Variants in BICD1 observed in about 807,000 individuals in gnomAD.
BICD1 encodes the protein BICD cargo adaptor 1, also known as protein bicaudal D homolog 1.
A neutral mutation model predicts 92.5 loss-of-function variants in BICD1; 35 were observed. The observed-to-expected ratio is 0.38, with a 90% CI of 0.29 to 0.50. The LOEUF is 0.50. Among genes scored for constraint, BICD1 ranks in the 20% least tolerant of loss-of-function variants. BICD1 has a pLI of 0.93. For synonymous variants in BICD1, 429 were observed against 465.1 expected, an observed-to-expected ratio of 0.92 and a Z score of 1.00; for missense variants, 950 against 1,189.8, an observed-to-expected ratio of 0.80 and a Z score of 2.97.
chr12:32,200,971 T>C (rs1944890564), intron 1 of BICD1, among the ~76,000 whole-genome samples: 1 of 152,188 alleles, frequency 6.6e-6, no homozygotes, highest in Non-Finnish European at 1.5e-5. Context: ...GTTTCCTATA[T>C]CCTAGTCACA....
At chr12:32,295,161 C>T (rs896246535) in intron 3 of BICD1, among the ~76,000 whole-genome samples, 1 of 151,100 alleles carries the variant, frequency 6.6e-6, no homozygotes, top group African/African-American at 2.4e-5. Context: ...TACATTCGTA[C>T]ATTTAAATGA....
chr12:32,108,488 C>T, intron 1 of BICD1: 1 of 481,062 alleles, frequency 2.1e-6, no homozygotes, highest in Non-Finnish European at 3.7e-6. Context: ...TCTTGAGGCA[C>T]TATGGGTAGC....
At chr12:32,182,168 T>A (rs965979511) in intron 1 of BICD1, among the ~76,000 whole-genome samples, 2 of 151,836 alleles carry the variant, frequency 1.3e-5, no homozygotes, top group African/African-American at 4.8e-5. Context: ...GTGGTAAATA[T>A]CTGAATGTAT....
chr12:32,211,441 A>G (rs1039577977), intron 1 of BICD1, among the ~76,000 whole-genome samples: 3 of 152,212 alleles, frequency 2.0e-5, no homozygotes, highest in Admixed American at 1.3e-4. Flanking sequence ...TTCTGGGTCT[A>G]CATCTGAAAT....
At position 32,328,748 on chromosome 12, in the gene BICD1, C is replaced by T. The variant is rs998302733; in HGVS notation, c.2100+193C>T. Reference sequence around the variant, plus strand: ...TTTTAAATGATGAAATACCTGTGCCCAGTTAGGTGGAGGCAGAGGTGAGGA... The same window carrying T: ...TTTTAAATGATGAAATACCTGTGCCTAGTTAGGTGGAGGCAGAGGTGAGGA... On this transcript the variant is annotated intron_variant, in intron 5 of 9. Transcript: ENST00000652176. This position sits in a 1 kb window ranked among gnomAD's most constrained non-coding sequence, Gnocchi z 4.4. 6.6e-6 allele frequency among the ~76,000 whole-genome samples: 1 copy of T among 152,096 alleles called. No homozygotes were observed. The highest frequency in any genetic ancestry group is 1.5e-5 in the Non-Finnish European group (1 of 68,026).
rs1046732326 is a variant in BICD1, at chr12:32,381,118, G to A, written c.*3491G>A. ...TTTAAAATACATTAAAATTTTACTG[G>A]TTAATCATAAAATATTTTATATTTG... On this transcript the variant is annotated 3_prime_UTR_variant, in exon 10 of 10. Coordinates refer to ENST00000652176, the MANE Select transcript of BICD1 (RefSeq NM_001714.4). The A allele has an allele frequency of 6.6e-6, 1 of 151,820 alleles. No individual in the cohort carries two copies. The highest frequency in any genetic ancestry group is 1.5e-5 in the Non-Finnish European group (1 of 67,914). 9.4% of individuals were successfully genotyped at this position (151,820 alleles called of 1,614,324 possible). A position where few individuals can be genotyped will look rare whatever the true frequency, so the allele number is the denominator to read the frequency against.
chr12:32,371,203 C>T (rs184335725), intron 9 of BICD1, among the ~76,000 whole-genome samples: 4 of 152,210 alleles, frequency 2.6e-5, no homozygotes, highest in Non-Finnish European at 4.4e-5. Flanking sequence ...CAAATGTTTC[C>T]AGTTTCTACC....
intron 1 of BICD1, among the ~76,000 whole-genome samples, chr12:32,116,500 CTCTCTCTCTCTA>C (rs1414811396): frequency 6.5e-4 from 48 of 73,558 alleles, no homozygotes; most frequent in African/African-American, 2.4e-3. Flanking sequence ...CTTTCTCTCT[CTCTCTCTCTCTA>C]TATATATATA....
rs557942075 is a variant in BICD1, at chr12:32,306,410, A to AT, written c.1005+295dup. On this transcript the variant is annotated intron_variant, in intron 4 of 9. Coordinates refer to ENST00000652176, the MANE Select transcript of BICD1 (RefSeq NM_001714.4). ...AGGTGCCCGCCACCATGCCCGGCTA[A>AT]TTTTTTTGTATTTTTAGTAGAGACG... 3.9e-3 allele frequency among the ~76,000 whole-genome samples: 585 copies of AT among 151,518 alleles called. 3 individuals carry two copies. Among genetic ancestry groups the AT allele is most frequent in the Middle Eastern group, 6.8e-3 (2 of 292 alleles).
intron 8 of BICD1, among the ~76,000 whole-genome samples, chr12:32,367,202 CT>C (rs1284348393): frequency 6.6e-6 from 1 of 152,176 alleles, no homozygotes; most frequent in Non-Finnish European, 1.5e-5. Context: ...ATATTGCACA[CT>C]TTTCTCAAGT....
At chr12:32,346,953 C>T (rs1197626596) in intron 8 of BICD1, among the ~76,000 whole-genome samples, 3 of 136,442 alleles carry the variant, frequency 2.2e-5, no homozygotes, top group Admixed American at 7.5e-5. Flanking sequence ...CTTTTCTTTT[C>T]TTTTTTTTTT....
chr12:32,205,919 G>C (rs934717566), intron 1 of BICD1, among the ~76,000 whole-genome samples: 1 of 151,838 alleles, frequency 6.6e-6, no homozygotes, highest in African/African-American at 2.4e-5. Flanking sequence ...AGATTAGTTT[G>C]CATTCTCTAG....
Position 32,313,028 on chromosome 12 carries a change from T to C in BICD1, c.1005+6906T>C, listed in dbSNP as rs955953722. Among the ~76,000 whole-genome samples, 1 of 152,196 alleles carries C rather than the reference T, an allele frequency of 6.6e-6. No individual in the cohort carries two copies. Among genetic ancestry groups the C allele is most frequent in the South Asian group, 2.1e-4 (1 of 4,830 alleles). On this transcript the variant is annotated intron_variant, in intron 4 of 9. Transcript: ENST00000652176. This position sits in a 1 kb window ranked among gnomAD's most constrained non-coding sequence, Gnocchi z 4.2. ...TTAATCAATTTAAAGGTGTCCTGTA[T>C]GCTTGTGCTGAAATTTCTGTCTTTG...
intron 1 of BICD1, among the ~76,000 whole-genome samples, chr12:32,131,271 A>T (rs1009583337): frequency 1.1e-4 from 16 of 152,184 alleles, no homozygotes; most frequent in South Asian, 6.3e-4. Flanking sequence ...TGATTTTTTT[A>T]AAAAAATTAT....
At chr12:32,342,156 GTATATATATGTA>G in intron 8 of BICD1, among the ~76,000 whole-genome samples, 1 of 140,942 alleles carries the variant, frequency 7.1e-6, no homozygotes. Context: ...ATATATGTGT[GTATATATATGTA>G]TATATATATG....
chr12:32,126,229 G>A (rs1292232184), intron 1 of BICD1, among the ~76,000 whole-genome samples: 1 of 151,962 alleles, frequency 6.6e-6, no homozygotes, highest in Non-Finnish European at 1.5e-5. Flanking sequence ...CAACTATTGT[G>A]GGGGGAACTG....
chr12:32,249,618 G>C lies in BICD1; in HGVS notation c.426+33159G>C, dbSNP rs116404832. Among the ~76,000 whole-genome samples the C allele has an allele frequency of 7.6e-3, 1,154 of 151,958 alleles. 15 individuals are homozygous for C. Among genetic ancestry groups the C allele is most frequent in the African/African-American group, 0.027 (1,106 of 41,432 alleles). ...GCCTAAGTTAAAATGCTCTGGGTTC[G>C]GGAGTGTCTTCCTGGAGATCACTAA... On this transcript the variant is annotated intron_variant, in intron 2 of 9. Coordinates refer to ENST00000652176, the MANE Select transcript of BICD1 (RefSeq NM_001714.4).
intron 8 of BICD1, among the ~76,000 whole-genome samples, chr12:32,363,965 C>G (rs976007974): frequency 6.6e-6 from 1 of 152,006 alleles, no homozygotes; most frequent in South Asian, 2.1e-4. Context: ...CCTGAGACAT[C>G]GTAAACAATA....
At chr12:32,272,975 T>G (rs990664622) in intron 2 of BICD1, among the ~76,000 whole-genome samples, 1 of 152,168 alleles carries the variant, frequency 6.6e-6, no homozygotes, top group Non-Finnish European at 1.5e-5. Flanking sequence ...AAAGATATAG[T>G]TTATAGGAAA....
Sources: allele counts gnomAD v4.1 joint callset (sites outside exome capture counted in the v4.1 genomes callset), GRCh38; gene constraint gnomAD v4.1.1; non-coding constraint Gnocchi (gnomAD v3.1); transcripts MANE v1.5; gene names NCBI Gene and HGNC (gene_info 2026-07-23, HGNC 2026-07-21).